Variants in ASGR2 observed in about 807,000 individuals in gnomAD.
ASGR2 encodes the protein C-type lectin domain family 4 member H2.
In ASGR2, 34 loss-of-function variants were observed where a neutral mutation model predicts 32.3. That is an observed-to-expected ratio of 1.05 (90% CI 0.80 to 1.40). The LOEUF (loss-of-function observed/expected upper bound fraction) is 1.40. ASGR2 is among the 40% of genes most tolerant of loss of function. The probability of loss-of-function intolerance (pLI) is 0.00; values close to 1 mark genes in which losing one functional copy is unlikely to be tolerated. For synonymous variants in ASGR2, 143 were observed against 150.0 expected, an observed-to-expected ratio of 0.95 and a Z score of 0.34; for missense variants, 385 against 386.4, an observed-to-expected ratio of 1.00 and a Z score of 0.03.
At chr17:7,112,087 G>A (rs1914758820) in intron 2 of ASGR2, among the ~76,000 whole-genome samples, 1 of 101,720 alleles carries the variant, frequency 9.8e-6, no homozygotes, top group Non-Finnish European at 2.1e-5. Flanking sequence ...GAGGGGAGGG[G>A]GAGGGGAAGG....
intron 2 of ASGR2, among the ~76,000 whole-genome samples, chr17:7,111,286 A>T (rs1432159952): frequency 6.6e-6 from 1 of 152,228 alleles, no homozygotes; most frequent in East Asian, 1.9e-4. Flanking sequence ...ATGTTCAAAA[A>T]ATTAAGTAGA....
In ASGR2 at chr17:7,107,057, C is replaced by T. The variant is rs568855579; in HGVS notation, c.591G>A (p.Glu197=). ...SHSGKAWAEA[E]KYCQLENAHL... is the part of the protein sequence containing the mutation. Reference sequence around the variant, plus strand: ...GTGCGTTCTCCAGCTGGCAGTACTTCTCCGCCTCAGCCCAGGCCTTCCCGG... The same window carrying T: ...GTGCGTTCTCCAGCTGGCAGTACTTTTCCGCCTCAGCCCAGGCCTTCCCGG... Residue 197 remains glutamate (E), a synonymous_variant, in exon 7 of 9, where the codon GAG becomes GAA. Transcript: ENST00000691900. The surrounding 1 kb of genome is among the most constrained non-coding windows in gnomAD (Gnocchi z 5.0). 2.2e-5 allele frequency: 35 copies of T among 1,614,220 alleles called. No individual in the cohort carries two copies. The Middle Eastern group carries it at 8.2e-4, about 38-fold the overall frequency.
In ASGR2 at chr17:7,114,481, C is replaced by T. The variant is rs1434410299; in HGVS notation, c.-71+134G>A. On this transcript the variant is annotated intron_variant, in intron 1 of 8. Coordinates refer to ENST00000691900, the MANE Select transcript of ASGR2 (RefSeq NM_001201352.2). The surrounding 1 kb of genome is among the most constrained non-coding windows in gnomAD (Gnocchi z 4.5). ...CTCAGGAGACCGCTTGGGCCTTGAC[C>T]TGGCCAGGAGACCCCTCCCCACGCT... 2 of 1,345,884 alleles carry T rather than the reference C, an allele frequency of 1.5e-6. No homozygotes were observed. The highest frequency in any genetic ancestry group is 1.9e-6 in the Non-Finnish European group (2 of 1,045,630). The allele number at this position is 1,345,884 out of a possible 1,614,324, so 83.4% of individuals were successfully genotyped here.
At chr17:7,102,902 T>C (rs1913063874) in intron 7 of ASGR2, among the ~76,000 whole-genome samples, 1 of 152,168 alleles carries the variant, frequency 6.6e-6, no homozygotes, top group South Asian at 2.1e-4. Flanking sequence ...GGACAGCCAG[T>C]TGCCAGGGGC....
Position 7,101,683 on chromosome 17 carries a change from T to G in ASGR2, c.813A>C (p.Glu271Asp). Reference sequence around the variant, plus strand: ...CATCCGGCTGGACTTCAACACAGTCTTCACTTCCACCCAGCTCGTGCCCGT... The same window carrying G: ...CATCCGGCTGGACTTCAACACAGTCGTCACTTCCACCCAGCTCGTGCCCGT... ...NWHGHELGGS[E>D]DCVEVQPDGR... The change falls in exon 9 of 9, where the codon GAA becomes GAC. Residue 271 changes from glutamate (E) to aspartate (D), a missense_variant. Glu to Asp is a conservative substitution (Grantham distance 45). Coordinates refer to ENST00000691900, the MANE Select transcript of ASGR2 (RefSeq NM_001201352.2). The G allele has an allele frequency of 6.2e-7, 1 of 1,614,232 alleles. No individual in the cohort carries two copies. Among genetic ancestry groups the G allele is most frequent in the East Asian group, 2.2e-5 (1 of 44,878 alleles).
In ASGR2 at chr17:7,108,205, G is replaced by A. The variant is rs1029794120; in HGVS notation, c.337+257C>T. Among the ~76,000 whole-genome samples the A allele has an allele frequency of 3.3e-5, 5 of 152,092 alleles. No homozygotes were observed. Among genetic ancestry groups the A allele is most frequent in the Admixed American group, 2.0e-4 (3 of 15,276 alleles). ...CCCTTACCTGCCTGCCCCTCCGATG[G>A]GCCTGCCACACTCGATTTGCTCACA... On this transcript the variant is annotated intron_variant, in intron 4 of 8. Transcript: ENST00000691900. This position sits in a 1 kb window ranked among gnomAD's most constrained non-coding sequence, Gnocchi z 4.9.
At position 7,101,654 on chromosome 17, in the gene ASGR2, C is replaced by G. The variant is rs773007336; in HGVS notation, c.842G>C (p.Arg281Pro). ...CTGCAGGCAGAAGTCATCGTTCCAG[C>G]GGCCATCCGGCTGGACTTCAACACA... is the stretch of plus-strand genomic sequence containing the variant. ...EDCVEVQPDG[R>P]WNDDFCLQVY... The change falls in exon 9 of 9, where the codon CGC (arginine) becomes CCC (proline). Residue 281 changes from arginine (R) to proline (P), a missense_variant. By Grantham distance (103) the Arg-to-Pro change is moderately radical. Coordinates refer to ENST00000691900, the MANE Select transcript of ASGR2 (RefSeq NM_001201352.2). 77 of 1,614,066 alleles carry G rather than the reference C, an allele frequency of 4.8e-5. No individual in the cohort carries two copies. The Admixed American group carries it at 1.2e-3, about 26-fold the overall frequency.
At chr17:7,104,663 TAAAC>T (rs767988506) in intron 7 of ASGR2, among the ~76,000 whole-genome samples, 6 of 139,930 alleles carry the variant, frequency 4.3e-5, no homozygotes, top group Non-Finnish European at 6.2e-5. Flanking sequence ...AAAATAAAAA[TAAAC>T]AAAAAATTTC....
chr17:7,114,033 T>C lies in ASGR2; in HGVS notation c.124+84A>G, dbSNP rs888272156. Reference sequence around the variant, plus strand: ...CCCTCCTCAGTCCCTGTTCACAGAGTGGGTGCGGCAGAGACCTCAAAGGGA... The same window carrying C: ...CCCTCCTCAGTCCCTGTTCACAGAGCGGGTGCGGCAGAGACCTCAAAGGGA... On this transcript the variant is annotated intron_variant, in intron 2 of 8. Coordinates refer to ENST00000691900, the MANE Select transcript of ASGR2 (RefSeq NM_001201352.2). This position sits in a 1 kb window ranked among gnomAD's most constrained non-coding sequence, Gnocchi z 4.5. 2.6e-6 allele frequency: 4 copies of C among 1,565,864 alleles called. No homozygotes were observed. The highest frequency in any genetic ancestry group is 2.7e-5 in the African/African-American group (2 of 73,974).
Position 7,101,480 on chromosome 17 carries a change from C to T in ASGR2, c.*95G>A, listed in dbSNP as rs73242184. 0.011 allele frequency: 17,239 copies of T among 1,508,288 alleles called. 1,634 individuals are homozygous for T. In the African/African-American group the frequency reaches 0.2, roughly 18 times the overall value. 93.4% of individuals were successfully genotyped at this position (1,508,288 alleles called of 1,614,324 possible). A position where few individuals can be genotyped will look rare whatever the true frequency, so the allele number is the denominator to read the frequency against. The stretch of plus-strand genomic sequence containing the variant: ...TCTTTGCTCAGCTCTTCCCCATACC[C>T]CTGTCTCAGTGTTTCTTCCTTTCCT... On this transcript the variant is annotated 3_prime_UTR_variant, in exon 9 of 9. Transcript: ENST00000691900.
In ASGR2 at chr17:7,108,587, G is replaced by A. The variant is rs1306211507; in HGVS notation, c.242-30C>T. 1.9e-6 allele frequency: 3 copies of A among 1,605,022 alleles called. No homozygotes were observed. The highest frequency in any genetic ancestry group is 2.6e-6 in the Non-Finnish European group (3 of 1,176,212). ...TCAGGTGGTAGTGGGGGCAGGATGA[G>A]GCAGAGGGGCCGTGTCCCCATCACT... is the stretch of plus-strand genomic sequence containing the variant. On this transcript the variant is annotated intron_variant, in intron 3 of 8. Transcript: ENST00000691900. This position sits in a 1 kb window ranked among gnomAD's most constrained non-coding sequence, Gnocchi z 4.9.
rs749693156 is a variant in ASGR2, at chr17:7,109,508, T to G, written c.125-620A>C. On this transcript the variant is annotated intron_variant, in intron 2 of 8. Transcript: ENST00000691900. ...ACCCTCCAGGTCCCACCTGTTGTCC[T>G]CATCCCCCACCACGCAAGGCCTCCT... Among the ~76,000 whole-genome samples the G allele has an allele frequency of 2.8e-4, 43 of 152,150 alleles. 1 individual carries two copies. Among genetic ancestry groups the G allele is most frequent in the Admixed American group, 2.7e-3 (42 of 15,278 alleles).
intron 8 of ASGR2, 87 bp from the exon 9 acceptor site, chr17:7,101,827 T>C (rs1912864489): frequency 1.3e-6 from 2 of 1,516,676 alleles, no homozygotes; most frequent in African/African-American, 1.4e-5. Flanking sequence ...CCATTTTCCT[T>C]GAAGGCCGAG....
At chr17:7,112,436 C>A (rs79966453) in intron 2 of ASGR2, among the ~76,000 whole-genome samples, 1 of 151,982 alleles carries the variant, frequency 6.6e-6, no homozygotes, top group Non-Finnish European at 1.5e-5. Flanking sequence ...TGAGCTCACT[C>A]TCCCATTAAT....
Position 7,107,689 on chromosome 17 carries a change from G to A in ASGR2, c.409+147C>T, listed in dbSNP as rs1041652874. 16 of 999,776 alleles carry A rather than the reference G, an allele frequency of 1.6e-5. No individual in the cohort carries two copies. The highest frequency in any genetic ancestry group is 2.3e-4 in the Middle Eastern group (1 of 4,390). The allele number at this position is 999,776 out of a possible 1,614,324, so 61.9% of individuals were successfully genotyped here. A position where few individuals can be genotyped will look rare whatever the true frequency, so the allele number is the denominator to read the frequency against. ...CCATGACATATCACACCACACATAC[G>A]GAGAGAGACACAGATACACATGCTT... On this transcript the variant is annotated intron_variant, in intron 5 of 8. Transcript: ENST00000691900. The surrounding 1 kb of genome is among the most constrained non-coding windows in gnomAD (Gnocchi z 5.0).
intron 7 of ASGR2, among the ~76,000 whole-genome samples, chr17:7,105,448 C>T (rs753897354): frequency 3.3e-5 from 5 of 152,044 alleles, no homozygotes; most frequent in Non-Finnish European, 7.4e-5. Flanking sequence ...GAGGCCCAGG[C>T]GGGCGAATCG....
At chr17:7,110,039 A>G (rs1597389947) in intron 2 of ASGR2, among the ~76,000 whole-genome samples, 1 of 149,878 alleles carries the variant, frequency 6.7e-6, no homozygotes, top group African/African-American at 2.5e-5. Context: ...CATTCCTATC[A>G]CCCCCCGACC....
Position 7,108,217 on chromosome 17 carries a change from T to A in ASGR2, c.337+245A>T, listed in dbSNP as rs1379029967. Among the ~76,000 whole-genome samples the A allele has an allele frequency of 6.6e-6, 1 of 151,912 alleles. No individual in the cohort carries two copies. The highest frequency in any genetic ancestry group is 2.4e-5 in the African/African-American group (1 of 41,318). ...TGCCCCTCCGATGGGCCTGCCACAC[T>A]CGATTTGCTCACAGGCCCAAGACAT... On this transcript the variant is annotated intron_variant, in intron 4 of 8. Transcript: ENST00000691900. This position sits in a 1 kb window ranked among gnomAD's most constrained non-coding sequence, Gnocchi z 4.9.
At position 7,108,265 on chromosome 17, in the gene ASGR2, G is replaced by A. The variant is rs1211657683; in HGVS notation, c.337+197C>T. Among the ~76,000 whole-genome samples, 1 of 151,984 alleles carries A rather than the reference G, an allele frequency of 6.6e-6. No individual in the cohort carries two copies. Among genetic ancestry groups the A allele is most frequent in the African/African-American group, 2.4e-5 (1 of 41,354 alleles). On this transcript the variant is annotated intron_variant, in intron 4 of 8. Coordinates refer to ENST00000691900, the MANE Select transcript of ASGR2 (RefSeq NM_001201352.2). The surrounding 1 kb of genome is among the most constrained non-coding windows in gnomAD (Gnocchi z 4.9). ...CATGGTGCCTTCCTCACCTCCGGGT[G>A]TCGCAGATCCAACCTCTCCACCTGG...
Sources: gnomAD v4.1 joint callset for allele counts (sites outside exome capture counted in the v4.1 genomes callset) on GRCh38, gnomAD v4.1.1 for gene constraint, Gnocchi (gnomAD v3.1) non-coding constraint, MANE v1.5 for transcripts, NCBI Gene and HGNC (gene_info 2026-07-23, HGNC 2026-07-21) for gene names.